Variants in LIPI observed in about 807,000 individuals in gnomAD.
The protein encoded by LIPI is lipase I.
A neutral mutation model predicts 50.6 loss-of-function variants in LIPI; 59 were observed. The observed-to-expected ratio is 1.16, with a 90% CI of 0.94 to 1.45. The LOEUF is 1.45. Ranked by LOEUF, LIPI falls within the 40% of genes most tolerant of loss-of-function variation. The pLI, the probability that LIPI is intolerant of heterozygous loss-of-function variation, is 0.00. For missense variants in LIPI, 586 were observed against 536.3 expected, an observed-to-expected ratio of 1.09 and a Z score of -0.92; for synonymous variants, 203 against 178.2, an observed-to-expected ratio of 1.14 and a Z score of -1.11.
chr21:14,189,487 G>C (rs945884079), intron 1 of LIPI, 68 bp from the exon 2 acceptor site: 1 of 1,420,530 alleles, frequency 7.0e-7, no homozygotes, highest in East Asian at 2.3e-5. Context: ...CTATTGCAAA[G>C]AACAGAATTA....
intron 9 of LIPI, among the ~76,000 whole-genome samples, chr21:14,135,581 T>A (rs1485651366): frequency 6.6e-6 from 1 of 152,130 alleles, no homozygotes; most frequent in Non-Finnish European, 1.5e-5. Flanking sequence ...CAAACTCAGT[T>A]GACACCAGCC....
intron 9 of LIPI, among the ~76,000 whole-genome samples, chr21:14,128,682 G>A (rs2017165788): frequency 6.7e-6 from 1 of 148,948 alleles, no homozygotes; most frequent in South Asian, 2.2e-4. Context: ...TCTTAAGTGT[G>A]TCATCCAAAG....
At chr21:14,159,215 A>G (rs1293331798) in intron 7 of LIPI, among the ~76,000 whole-genome samples, 2 of 151,470 alleles carry the variant, frequency 1.3e-5, no homozygotes, top group Admixed American at 6.6e-5. Context: ...AAGGAACACT[A>G]CTAACAAATA....
chr21:14,122,676 G>A (rs1428598361), intron 9 of LIPI, among the ~76,000 whole-genome samples: 1 of 152,192 alleles, frequency 6.6e-6, no homozygotes, highest in Non-Finnish European at 1.5e-5. Context: ...TACAGGGGGA[G>A]TAGCTCTGCT....
chr21:14,174,540 GTTTAT>G (rs34581945), intron 4 of LIPI, among the ~76,000 whole-genome samples: 82 of 150,614 alleles, frequency 5.4e-4, no homozygotes, highest in Middle Eastern at 3.4e-3. Flanking sequence ...ATCATCTGTT[GTTTAT>G]TTTATTTTAT....
At position 14,165,410 on chromosome 21, in the gene LIPI, A is replaced by G. The variant is rs769795834; in HGVS notation, c.734-20T>C. On this transcript the variant is annotated intron_variant, in intron 5 of 9. Coordinates refer to ENST00000681601, the MANE Select transcript of LIPI (RefSeq NM_001302998.2). ...GAATTCCTTAAGGGTTAAAAAAAAA[A>G]CAAAGAACTGTAGATGTATTAAGCC... The G allele has an allele frequency of 3.8e-6, 6 of 1,574,262 alleles. No individual in the cohort carries two copies. Among genetic ancestry groups the G allele is most frequent in the Admixed American group, 3.4e-5 (2 of 59,334 alleles).
rs569460311 is a variant in LIPI at position 14,189,249 on chromosome 21, G to T, written c.217C>A (p.Gln73Lys). 6.2e-7 allele frequency: 1 copy of T among 1,613,946 alleles called. No homozygotes were observed. Among genetic ancestry groups the T allele is most frequent in the South Asian group, 1.1e-5 (1 of 91,074 alleles). Residue 73 changes from glutamine to lysine, a missense_variant, in exon 2 of 10, where the codon CAA becomes AAA. By Grantham distance (53) the Gln-to-Lys change is moderately conservative. Coordinates refer to ENST00000681601, the MANE Select transcript of LIPI (RefSeq NM_001302998.2). ...NNSLNVNFNTQKKTVWLIHGY... is the reference protein window; with the variant it reads ...NNSLNVNFNTKKKTVWLIHGY... Reference sequence around the variant, plus strand: ...TGAATAAGCCAGACTGTTTTCTTTTGTGTGTTGAAATTAACATTAAGTGAG... The same window carrying T: ...TGAATAAGCCAGACTGTTTTCTTTTTTGTGTTGAAATTAACATTAAGTGAG...
At chr21:14,143,363 G>A (rs2017783143) in intron 9 of LIPI, 1 of 151,996 alleles carries the variant, frequency 6.6e-6, no homozygotes, top group Non-Finnish European at 1.5e-5. Flanking sequence ...TGCCATTATA[G>A]CAACATCTGA....
intron 7 of LIPI, among the ~76,000 whole-genome samples, chr21:14,160,994 G>A (rs1172041639): frequency 1.3e-5 from 2 of 151,102 alleles, no homozygotes; most frequent in African/African-American, 4.8e-5. Context: ...AAAAAAATCG[G>A]AAAAATTAGA....
At chr21:14,182,786 G>A (rs2019317121) in intron 3 of LIPI, among the ~76,000 whole-genome samples, 1 of 151,912 alleles carries the variant, frequency 6.6e-6, no homozygotes, top group Non-Finnish European at 1.5e-5. Flanking sequence ...TACAAGGGAT[G>A]TGAAGGACCT....
At chr21:14,140,006 A>C (rs942252733) in intron 9 of LIPI, among the ~76,000 whole-genome samples, 3 of 152,124 alleles carry the variant, frequency 2.0e-5, no homozygotes, top group Non-Finnish European at 4.4e-5. Context: ...TATTGTGAAG[A>C]CTTTGGCTTT....
At chr21:14,161,748 TATATAATATA>T (rs1568858568) in intron 7 of LIPI, among the ~76,000 whole-genome samples, 20 of 76,826 alleles carry the variant, frequency 2.6e-4, no homozygotes, top group East Asian at 3.7e-4. Flanking sequence ...TATATATTAA[TATATAATATA>T]TACATTATTA....
chr21:14,152,718 T>C, intron 7 of LIPI, 34 bp from the exon 8 acceptor site: 1 of 1,115,950 alleles, frequency 9.0e-7, no homozygotes, highest in Non-Finnish European at 1.3e-6. Flanking sequence ...CAACTCACAT[T>C]ATTTTTTAAT....
At chr21:14,207,151 C>T (rs1245138043) in intron 1 of LIPI, among the ~76,000 whole-genome samples, 1 of 152,084 alleles carries the variant, frequency 6.6e-6, no homozygotes, top group Non-Finnish European at 1.5e-5. Flanking sequence ...GCAAATATAG[C>T]TTTAATTATG....
At chr21:14,115,668 C>A (rs984347094) in intron 9 of LIPI, among the ~76,000 whole-genome samples, 21 of 152,068 alleles carry the variant, frequency 1.4e-4, no homozygotes, top group Admixed American at 1.4e-3. Flanking sequence ...ACGGTTTTCC[C>A]GTGTCTTGGA....
chr21:14,174,410 C>A (rs1216809777), intron 4 of LIPI, among the ~76,000 whole-genome samples: 1 of 152,058 alleles, frequency 6.6e-6, no homozygotes, highest in Non-Finnish European at 1.5e-5. Flanking sequence ...AAGCAAACAG[C>A]CATGGGGCTA....
chr21:14,149,842 G>A (rs536781267), intron 8 of LIPI, among the ~76,000 whole-genome samples: 2 of 152,304 alleles, frequency 1.3e-5, no homozygotes, highest in South Asian at 2.1e-4. Flanking sequence ...CCACCCCTGC[G>A]GCTTTGCAGG....
chr21:14,141,399 T>A (rs200504642), intron 9 of LIPI, among the ~76,000 whole-genome samples: 1 of 137,476 alleles, frequency 7.3e-6, no homozygotes, highest in Non-Finnish European at 1.6e-5. Context: ...TTTTTTTTTT[T>A]AACTCAGCCA....
At chr21:14,124,307 G>A (rs1171112582) in intron 9 of LIPI, among the ~76,000 whole-genome samples, 1 of 152,124 alleles carries the variant, frequency 6.6e-6, no homozygotes, top group African/African-American at 2.4e-5. Flanking sequence ...CACCAAAGGG[G>A]GAGATGAAGA....
Sources: gnomAD v4.1 joint callset for allele counts (sites outside exome capture counted in the v4.1 genomes callset) on GRCh38, gnomAD v4.1.1 for gene constraint, MANE v1.5 for transcripts, NCBI Gene and HGNC (gene_info 2026-07-23, HGNC 2026-07-21) for gene names.